Variants in DPP6 observed in about 807,000 individuals in gnomAD.
DPP6 encodes the protein dipeptidyl peptidase like 6, also known as A-type potassium channel modulatory protein DPP6.
In DPP6, 69 loss-of-function variants were observed where a neutral mutation model predicts 122.6. The ratio of observed to expected loss-of-function variants is 0.56; its 90% CI spans 0.46 to 0.69. The LOEUF is 0.69. Among genes scored for constraint, DPP6 ranks in the 30% least tolerant of loss-of-function variants. The pLI is 0.00. For synonymous variants in DPP6, 418 were observed against 433.1 expected, an observed-to-expected ratio of 0.97 and a Z score of 0.43; for missense variants, 928 against 1,116.9, an observed-to-expected ratio of 0.83 and a Z score of 2.41.
chr7:154,046,946 G>A (rs1800044423), intron 1 of DPP6, among the ~76,000 whole-genome samples: 1 of 151,970 alleles, frequency 6.6e-6, no homozygotes, highest in South Asian at 2.1e-4. Flanking sequence ...CTATTAGCCT[G>A]CAGGAGAGTA....
chr7:153,853,543 G>A, the DPP6 span, among the ~76,000 whole-genome samples: 1 of 152,062 alleles, frequency 6.6e-6, no homozygotes, highest in East Asian at 1.9e-4. Flanking sequence ...TATAACTAAT[G>A]GAAGCTTCTA....
At chr7:153,788,941 G>T in the DPP6 span, among the ~76,000 whole-genome samples, 716 of 150,930 alleles carry the variant, frequency 4.7e-3, 3 homozygotes, top group Middle Eastern at 0.01. Flanking sequence ...CTCCAGCCTG[G>T]GCAACATGAG....
chr7:154,131,224 A>G (rs1256592612), intron 1 of DPP6, among the ~76,000 whole-genome samples: 1 of 152,192 alleles, frequency 6.6e-6, no homozygotes, highest in African/African-American at 2.4e-5. Flanking sequence ...TAAGATTTAG[A>G]AGCTATTTTA....
intron 1 of DPP6, among the ~76,000 whole-genome samples, chr7:154,181,741 A>G (rs1215325724): frequency 6.9e-6 from 1 of 145,592 alleles, no homozygotes; most frequent in South Asian, 2.2e-4. Flanking sequence ...ATGAAAATGC[A>G]TCTCCCTCTT....
chr7:154,132,095 A>G (rs544623980), intron 1 of DPP6, among the ~76,000 whole-genome samples: 21 of 152,186 alleles, frequency 1.4e-4, no homozygotes, highest in African/African-American at 4.6e-4. Context: ...TTCAGTCACT[A>G]TTTGTTGAAT....
At chr7:154,477,719 G>A (rs1236430123) in intron 3 of DPP6, among the ~76,000 whole-genome samples, 1 of 152,194 alleles carries the variant, frequency 6.6e-6, no homozygotes, top group African/African-American at 2.4e-5. Context: ...AAAGCTGGGA[G>A]TTAATACACG....
chr7:154,511,559 T>G (rs956995894), intron 3 of DPP6, among the ~76,000 whole-genome samples: 2 of 152,172 alleles, frequency 1.3e-5, no homozygotes, highest in African/African-American at 4.8e-5. Flanking sequence ...CTGTAGAAAT[T>G]TGCAAGCAAA....
chr7:153,961,351 A>AT lies in DPP6; in HGVS notation c.51+73626dup, dbSNP rs67414261. Among the ~76,000 whole-genome samples, 539 of 149,784 alleles carry AT rather than the reference A, an allele frequency of 3.6e-3. 5 individuals are homozygous for AT. The highest frequency in any genetic ancestry group is 4.0e-3 in the Non-Finnish European group (271 of 67,564). On this transcript the variant is annotated intron_variant, in intron 1 of 25. Transcript: ENST00000404039. ...TCCTTTTTCCTCATTTTTTTATTTT[A>AT]TTTTTTTTTACCAGGGCCAGTCTTC...
At chr7:153,806,020 A>G in the DPP6 span, among the ~76,000 whole-genome samples, 1 of 151,888 alleles carries the variant, frequency 6.6e-6, no homozygotes, top group African/African-American at 2.4e-5. Context: ...ATACATATAT[A>G]TATAAATACT....
intron 10 of DPP6, among the ~76,000 whole-genome samples, chr7:154,776,849 G>A (rs1223554076): frequency 6.6e-6 from 1 of 152,184 alleles, no homozygotes; most frequent in Non-Finnish European, 1.5e-5. Context: ...CAAAAGGAAT[G>A]AACCCTAAGC....
intron 3 of DPP6, among the ~76,000 whole-genome samples, chr7:154,482,705 A>G (rs2151372942): frequency 6.6e-6 from 1 of 152,360 alleles, no homozygotes; most frequent in Admixed American, 6.5e-5. Context: ...ATTTCACGAT[A>G]TTAATGTGCC....
intron 6 of DPP6, among the ~76,000 whole-genome samples, chr7:154,650,431 G>C (rs1045019038): frequency 1.3e-5 from 2 of 152,090 alleles, no homozygotes; most frequent in Non-Finnish European, 2.9e-5. Flanking sequence ...TTGCTTAAAG[G>C]CTTAAAAAAA....
rs542438691 is a variant in DPP6 at position 154,536,687 on chromosome 7, T to TACTA, written c.458-3844_458-3841dup. 3.9e-4 allele frequency among the ~76,000 whole-genome samples: 59 copies of TACTA among 152,274 alleles called. No individual in the cohort carries two copies. In the East Asian group the frequency reaches 8.3e-3, roughly 21 times the overall value. On this transcript the variant is annotated intron_variant, in intron 3 of 25. Transcript: ENST00000377770. ...GGGAAAATTTCCAGATAGCAAGATG[T>TACTA]ACTACAAAGGTACATAATTTCACAG...
At chr7:154,888,865 G>A (rs1266614155) in intron 23 of DPP6, among the ~76,000 whole-genome samples, 2 of 152,200 alleles carry the variant, frequency 1.3e-5, no homozygotes, top group African/African-American at 2.4e-5. Flanking sequence ...AGGAGGAGCT[G>A]GTCACATCTT....
intron 10 of DPP6, among the ~76,000 whole-genome samples, chr7:154,776,812 C>G (rs912630337): frequency 1.2e-4 from 19 of 152,276 alleles, no homozygotes; most frequent in Non-Finnish European, 2.5e-4. Flanking sequence ...CTAACTGAAA[C>G]TAAGACACCT....
chr7:153,948,838 C>G (rs1224098280), intron 1 of DPP6, among the ~76,000 whole-genome samples: 1 of 146,730 alleles, frequency 6.8e-6, no homozygotes, highest in Non-Finnish European at 1.5e-5. Flanking sequence ...ATTAAACAGG[C>G]ATGAAATAAA....
chr7:154,752,382 T>G (rs939616316), intron 8 of DPP6, among the ~76,000 whole-genome samples: 1 of 152,220 alleles, frequency 6.6e-6, no homozygotes, highest in Non-Finnish European at 1.5e-5. Context: ...GGGCTGTGAC[T>G]GGCAAGGAGC....
At chr7:154,071,643 A>G (rs536814664) in intron 1 of DPP6, among the ~76,000 whole-genome samples, 2 of 152,322 alleles carry the variant, frequency 1.3e-5, no homozygotes, top group Admixed American at 6.5e-5. Context: ...ATCTCGTTTC[A>G]TCCATTTCAC....
In DPP6 at chr7:154,614,079, C is replaced by T. The variant is rs200670551; in HGVS notation, c.628-23742C>T. On this transcript the variant is annotated intron_variant, in intron 5 of 25. Transcript: ENST00000377770. Reference sequence around the variant, plus strand: ...TGCCTCCACTCTCCACCCCACCTTGCCCATCCACAGCTGTCTTCCCTTTCT... The same window carrying T: ...TGCCTCCACTCTCCACCCCACCTTGTCCATCCACAGCTGTCTTCCCTTTCT... Among the ~76,000 whole-genome samples the T allele has an allele frequency of 3.1e-3, 470 of 152,318 alleles. 3 individuals carry two copies. Among genetic ancestry groups the T allele is most frequent in the African/African-American group, 0.011 (460 of 41,564 alleles).
Sources: allele counts gnomAD v4.1 joint callset (sites outside exome capture counted in the v4.1 genomes callset), GRCh38; gene constraint gnomAD v4.1.1; transcripts MANE v1.5; gene names NCBI Gene and HGNC (gene_info 2026-07-23, HGNC 2026-07-21).